ZNF467: variants seen among roughly 807,000 people sequenced by gnomAD.
The protein encoded by ZNF467 is zinc finger protein 467.
ZNF467 carries 51 observed loss-of-function variants against 47.8 expected under a neutral mutation model. That is an observed-to-expected ratio of 1.07 (90% CI 0.85 to 1.35). The LOEUF (loss-of-function observed/expected upper bound fraction) is 1.35, where lower values mean the gene tolerates loss of function less well. ZNF467 is among the 40% of genes most tolerant of loss of function. The pLI, the probability that ZNF467 is intolerant of heterozygous loss-of-function variation, is 0.00. For synonymous variants in ZNF467, 416 were observed against 372.9 expected (o/e 1.12, Z -1.33); for missense variants, 992 against 858.1 (o/e 1.16, Z -1.95).
Position 149,764,896 on chromosome 7 carries a change from T to C in ZNF467, c.1606A>G (p.Ile536Val), listed in dbSNP as rs756586579. The change falls in exon 5 of 5, where the codon ATC (isoleucine) becomes GTC (valine). Residue 536 changes from isoleucine (I) to valine (V), a missense_variant. By Grantham distance (29) the Ile-to-Val change is conservative. Transcript: ENST00000302017. ...SKTNLVRHQA[I>V]HTGSRPFSCP... ...GAGAAGGGGCGGGAGCCTGTGTGGA[T>C]CGCCTGGTGGCGGACTAGGTTGGTT... is the stretch of plus-strand genomic sequence containing the variant. The C allele has an allele frequency of 3.2e-6, 5 of 1,565,146 alleles. No individual in the cohort carries two copies. The highest frequency in any genetic ancestry group is 3.5e-6 in the Non-Finnish European group (4 of 1,158,310).
rs754562188 is a variant in ZNF467 at position 149,765,947 on chromosome 7, C to T, written c.555G>A (p.Glu185=). 3.9e-6 allele frequency: 6 copies of T among 1,552,336 alleles called. No individual in the cohort carries two copies. Among genetic ancestry groups the T allele is most frequent in the Admixed American group, 1.9e-5 (1 of 51,380 alleles). ...LRLHQRLHRG[E]GPCACPDCGR... ...CGCAGTCCGGGCAGGCGCAGGGGCC[C>T]TCGCCCCGGTGCAGCCGCTGGTGCA... The change falls in exon 5 of 5, where the codon GAG becomes GAA. Residue 185 remains glutamate (E), a synonymous_variant. Transcript: ENST00000302017.
At position 149,765,678 on chromosome 7, in the gene ZNF467, G is replaced by C. The variant is rs1563077700; in HGVS notation, c.824C>G (p.Thr275Arg). 6.2e-7 allele frequency: 1 copy of C among 1,613,292 alleles called. No individual in the cohort carries two copies. Among genetic ancestry groups the C allele is most frequent in the Non-Finnish European group, 8.5e-7 (1 of 1,179,788 alleles). ...THTGERPFPC[T>R]ECEKRFRKKT... ...CTTGCGAAAGCGCTTCTCGCATTCCGTGCAGGGGAAGGGCCGCTCGCCGGT... is the reference window on the plus strand; with the variant it reads ...CTTGCGAAAGCGCTTCTCGCATTCCCTGCAGGGGAAGGGCCGCTCGCCGGT... Residue 275 changes from threonine (T) to arginine (R), a missense_variant, in exon 5 of 5, where the codon ACG becomes AGG. Transcript: ENST00000302017.
chr7:149,772,702 A>C (rs1585961925), intron 1 of ZNF467, among the ~76,000 whole-genome samples: 1 of 111,230 alleles, frequency 9.0e-6, no homozygotes, highest in Non-Finnish European at 1.9e-5. Context: ...TCCGGGGCTC[A>C]CCTGTCAGCG....
intron 4 of ZNF467, among the ~76,000 whole-genome samples, chr7:149,768,493 C>G (rs544159620): frequency 6.6e-6 from 1 of 152,368 alleles, no homozygotes; most frequent in African/African-American, 2.4e-5. Flanking sequence ...TCTCTTTCCA[C>G]TGTACTTAAC....
Position 149,766,259 on chromosome 7 carries a change from A to G in ZNF467, c.263-20T>C, listed in dbSNP as rs138579014. 6.3e-4 allele frequency: 950 copies of G among 1,512,800 alleles called. 4 individuals are homozygous for G. The highest frequency in any genetic ancestry group is 1.5e-3 in the East Asian group (66 of 43,750). The allele number at this position is 1,512,800 out of a possible 1,614,324, so 93.7% of individuals were successfully genotyped here. On this transcript the variant is annotated intron_variant, in intron 4 of 4. Coordinates refer to ENST00000302017, the MANE Select transcript of ZNF467 (RefSeq NM_207336.3). ...CCTCTCCTGGAAAGTCAAAACAAGA[A>G]TTGTCTATTGAGCTCCACGTGCGGC...
upstream of ZNF467, among the ~76,000 whole-genome samples, chr7:149,774,318 GCTGAAGT>G (rs1388188824): frequency 3.3e-5 from 5 of 152,192 alleles, no homozygotes; most frequent in African/African-American, 9.7e-5. The surrounding 1 kb of genome is among the most constrained non-coding windows in gnomAD (Gnocchi z 5.7). Flanking sequence ...CTCCGGAGAT[GCTGAAGT>G]CTGGACTGTT....
chr7:149,766,118 C>T lies in ZNF467; in HGVS notation c.384G>A (p.Gly128=), dbSNP rs1486553405. The change falls in exon 5 of 5, where the codon GGG becomes GGA. Residue 128 remains glycine (G), a synonymous_variant. Transcript: ENST00000302017. ...LPSPFPAPDL[G]HLAAAYKLEP... ...CCAGTTTGTACGCGGCAGCCAGATG[C>T]CCCAGGTCAGGCGCGGGAAAGGGGC... The T allele has an allele frequency of 6.2e-7, 1 of 1,606,938 alleles. No homozygotes were observed. Among genetic ancestry groups the T allele is most frequent in the East Asian group, 2.2e-5 (1 of 44,626 alleles).
At position 149,764,487 on chromosome 7, in the gene ZNF467, C is replaced by G. The variant is rs1799076905; in HGVS notation, c.*227G>C. ...ACGGGGCACCTGGGTGGGAGCCTTC[C>G]AAGAACTTCAGCTCAGCGGTTCCCA... On this transcript the variant is annotated 3_prime_UTR_variant, in exon 5 of 5. Transcript: ENST00000302017. 1.2e-6 allele frequency: 1 copy of G among 831,466 alleles called. No individual in the cohort carries two copies. The allele number at this position is 831,466 out of a possible 1,614,324, so 51.5% of individuals were successfully genotyped here. A position where few individuals can be genotyped will look rare whatever the true frequency, so the allele number is the denominator to read the frequency against.
intron 1 of ZNF467, 39 bp from the exon 2 acceptor site, chr7:149,771,113 G>A (rs913459501): frequency 1.1e-5 from 17 of 1,587,086 alleles, no homozygotes; most frequent in African/African-American, 8.1e-5. Context: ...TTTTTCCCAC[G>A]CCAGCTTCCA....
rs906978033 is a variant in ZNF467, at chr7:149,766,343, T to C, written c.263-104A>G. The C allele has an allele frequency of 2.3e-5, 34 of 1,477,730 alleles. No homozygotes were observed. In the African/African-American group the frequency reaches 4.5e-4, roughly 20 times the overall value. 91.5% of individuals were successfully genotyped at this position (1,477,730 alleles called of 1,614,324 possible). ...GGAGCCCCGCGGTCTGGCTCTGCTC[T>C]CCACTCTACCTAACGCTTCCCGGGA... On this transcript the variant is annotated intron_variant, in intron 4 of 4. Transcript: ENST00000302017.
rs537580926 is a variant in ZNF467 at position 149,770,855 on chromosome 7, C to A, written c.34+144G>T. The A allele has an allele frequency of 5.2e-6, 5 of 969,502 alleles. No individual in the cohort carries two copies. In the South Asian group the frequency reaches 7.2e-5, roughly 14 times the overall value. 60.1% of individuals were successfully genotyped at this position (969,502 alleles called of 1,614,324 possible). A position where few individuals can be genotyped will look rare whatever the true frequency, so the allele number is the denominator to read the frequency against. On this transcript the variant is annotated intron_variant, in intron 2 of 4. Transcript: ENST00000302017. ...CCATGTTCCAGGCATTCAGACACCC[C>A]GTGCTACAGAAAAGGAGGCTGACCT...
Position 149,765,056 on chromosome 7 carries a change from G to T in ZNF467, c.1446C>A (p.Ser482Arg), listed in dbSNP as rs1346295567. ...GAGCGCAGGCGAAAGGCCTGGCGCC[G>T]CTGTGGGCCCTGGAGTGGGCGACCA... ...PNLVAHSRAH[S>R]GARPFACAQC... Residue 482 changes from serine to arginine, a missense_variant, in exon 5 of 5, where the codon AGC becomes AGA. Transcript: ENST00000302017. The T allele has an allele frequency of 6.7e-6, 10 of 1,501,572 alleles. No homozygotes were observed. The highest frequency in any genetic ancestry group is 1.4e-5 in the African/African-American group (1 of 70,546). 93.0% of individuals were successfully genotyped at this position (1,501,572 alleles called of 1,614,324 possible).
intron 4 of ZNF467, among the ~76,000 whole-genome samples, chr7:149,766,629 A>G (rs749745544): frequency 1.3e-5 from 2 of 152,188 alleles, no homozygotes; most frequent in Non-Finnish European, 2.9e-5. Flanking sequence ...CTGGTCCAGC[A>G]GCTCTCCTTG....
Position 149,771,015 on chromosome 7 carries a change from C to A in ZNF467, c.18G>T (p.Glu6Asp), listed in dbSNP as rs536261397. 2 of 1,614,088 alleles carry A rather than the reference C, an allele frequency of 1.2e-6. No individual in the cohort carries two copies. Among genetic ancestry groups the A allele is most frequent in the Non-Finnish European group, 1.7e-6 (2 of 1,179,972 alleles). Residue 6 changes from glutamate to aspartate, a missense_variant, in exon 2 of 5, where the codon GAG becomes GAT. Transcript: ENST00000302017. MRETL[E>D]ALSSLGFSVG... ...CCAGCTCACCCAGGGAGCTGAGGGC[C>A]TCCAAGGTCTCTCTCATGGTAACCC...
intron 4 of ZNF467, among the ~76,000 whole-genome samples, chr7:149,768,002 G>A (rs1022162797): frequency 6.6e-6 from 1 of 152,132 alleles, no homozygotes; most frequent in Non-Finnish European, 1.5e-5. Context: ...TCTCAGCCTA[G>A]AACGTCTTCC....
intron 1 of ZNF467, among the ~76,000 whole-genome samples, chr7:149,771,774 C>A (rs967559572): frequency 6.7e-6 from 1 of 148,348 alleles, no homozygotes; most frequent in Non-Finnish European, 1.5e-5. Flanking sequence ...CCCGCCCCTC[C>A]CGCTCCCTCT....
rs1799069247 is a variant in ZNF467, at chr7:149,764,314, A to G, written c.*400T>C. ...TGTGGATGGAGGTGGGACAGTGGCT[A>G]AGGAGAGTCAGGTGTTCCCTCCCCC... On this transcript the variant is annotated 3_prime_UTR_variant, in exon 5 of 5. Coordinates refer to ENST00000302017, the MANE Select transcript of ZNF467 (RefSeq NM_207336.3). 1 of 520,564 alleles carries G rather than the reference A, an allele frequency of 1.9e-6. No individual in the cohort carries two copies. The highest frequency in any genetic ancestry group is 3.4e-6 in the Non-Finnish European group (1 of 296,692). 32.2% of individuals were successfully genotyped at this position (520,564 alleles called of 1,614,324 possible).
rs868852101 is a variant in ZNF467, at chr7:149,764,639, T to C, written c.*75A>G. 1 of 1,553,932 alleles carries C rather than the reference T, an allele frequency of 6.4e-7. No homozygotes were observed. Among genetic ancestry groups the C allele is most frequent in the Non-Finnish European group, 8.7e-7 (1 of 1,148,704 alleles). On this transcript the variant is annotated 3_prime_UTR_variant, in exon 5 of 5. Coordinates refer to ENST00000302017, the MANE Select transcript of ZNF467 (RefSeq NM_207336.3). ...CTTCGGGCAGCAGCCCAGGTCGCCT[T>C]GCTCACCCCAGGCGGTCTCATGGCA...
rs375671110 is a variant in ZNF467, at chr7:149,771,038, C to G, written c.-6G>C. The G allele has an allele frequency of 1.3e-4, 212 of 1,613,930 alleles. No individual in the cohort carries two copies. The highest frequency in any genetic ancestry group is 1.6e-4 in the Non-Finnish European group (192 of 1,179,958). ...GCCTCCAAGGTCTCTCTCATGGTAA[C>G]CCAGAGTAGCTCCTCCTGGGGATCA... On this transcript the variant is annotated 5_prime_UTR_variant, in exon 2 of 5. Coordinates refer to ENST00000302017, the MANE Select transcript of ZNF467 (RefSeq NM_207336.3).
Sources: allele counts gnomAD v4.1 joint callset (sites outside exome capture counted in the v4.1 genomes callset), GRCh38; gene constraint gnomAD v4.1.1; non-coding constraint Gnocchi (gnomAD v3.1); transcripts MANE v1.5; gene names NCBI Gene and HGNC (gene_info 2026-07-23, HGNC 2026-07-21).